LRRC49: variants seen among roughly 807,000 people sequenced by gnomAD.
LRRC49 encodes the protein leucine rich repeat containing 49.
In LRRC49, 50 loss-of-function variants were observed where a neutral mutation model predicts 83.3. The ratio of observed to expected loss-of-function variants is 0.60; its 90% confidence interval spans 0.48 to 0.76. The LOEUF (loss-of-function observed/expected upper bound fraction) is 0.76. Among genes scored for constraint, LRRC49 ranks in the 30% least tolerant of loss-of-function variants. The pLI is 0.00. For missense variants in LRRC49, 704 were observed against 809.1 expected (o/e 0.87, Z 1.58); for synonymous variants, 286 against 283.3 (o/e 1.01, Z -0.10).
At chr15:70,901,818 A>T (rs1247880107) in intron 4 of LRRC49, among the ~76,000 whole-genome samples, 1 of 152,060 alleles carries the variant, frequency 6.6e-6, no homozygotes, top group African/African-American at 2.4e-5. Flanking sequence ...TCTTGATAAA[A>T]TTTTTTTTAA....
intron 14 of LRRC49, among the ~76,000 whole-genome samples, chr15:71,014,310 G>C (rs183596792): frequency 1.3e-5 from 2 of 152,142 alleles, no homozygotes; most frequent in African/African-American, 4.8e-5. Context: ...TCCCTGTTTA[G>C]GTGAGATAAT....
rs555849311 is a variant in LRRC49, at chr15:70,931,868, A to AT, written c.712-4887dup. On this transcript the variant is annotated intron_variant, in intron 7 of 15. Coordinates refer to ENST00000260382, the MANE Select transcript of LRRC49 (RefSeq NM_017691.5). ...GTTAGGGTCATGAATGCCAGGTACC[A>AT]TTTTTTATGAGGGGTCTTTTTAGAT... Among the ~76,000 whole-genome samples the AT allele has an allele frequency of 2.6e-5, 4 of 152,228 alleles. No homozygotes were observed. In the South Asian group the frequency reaches 6.2e-4, roughly 24 times the overall value.
chr15:70,932,724 G>GT (rs2035452778), intron 7 of LRRC49, among the ~76,000 whole-genome samples: 1 of 126,556 alleles, frequency 7.9e-6, no homozygotes, highest in African/African-American at 2.9e-5. Flanking sequence ...TTCTTTCTCT[G>GT]TCTTTTTTTT....
chr15:70,884,552 A>G (rs959453486), intron 2 of LRRC49, among the ~76,000 whole-genome samples: 4 of 152,152 alleles, frequency 2.6e-5, no homozygotes, highest in Admixed American at 6.5e-5. Flanking sequence ...AGAAAAAAAA[A>G]AAAGAAAGAA....
intron 8 of LRRC49, among the ~76,000 whole-genome samples, chr15:70,956,541 CTG>C (rs1047366763): frequency 2.0e-5 from 3 of 149,188 alleles, no homozygotes; most frequent in African/African-American, 7.4e-5. Flanking sequence ...GAGAGAGAGA[CTG>C]TTTTTAAAAG....
At chr15:70,988,195 A>G (rs1407615721) in intron 11 of LRRC49, among the ~76,000 whole-genome samples, 15 of 151,308 alleles carry the variant, frequency 9.9e-5, no homozygotes, top group Non-Finnish European at 1.9e-4. Context: ...TATCCTTGTT[A>G]ACTTTCTGTC....
chr15:70,861,397 T>C (rs1180944228), intron 1 of LRRC49, among the ~76,000 whole-genome samples: 2 of 83,096 alleles, frequency 2.4e-5, no homozygotes, highest in Non-Finnish European at 3.3e-5. Context: ...GCTCGTGTTC[T>C]AGTGGGGGAA....
chr15:70,954,355 G>A (rs2036325444), intron 8 of LRRC49, among the ~76,000 whole-genome samples: 1 of 152,102 alleles, frequency 6.6e-6, no homozygotes. Flanking sequence ...TGTTTTGCCT[G>A]GGTTGGGTTT....
intron 11 of LRRC49, among the ~76,000 whole-genome samples, chr15:70,994,047 A>G (rs1035397677): frequency 2.6e-5 from 4 of 152,096 alleles, no homozygotes; most frequent in African/African-American, 7.2e-5. Context: ...GGGTTTCACC[A>G]TGTTGGCCAG....
intron 11 of LRRC49, 64 bp downstream of exon 11, chr15:70,984,321 GAA>G: frequency 7.3e-7 from 1 of 1,367,596 alleles, no homozygotes; most frequent in Non-Finnish European, 9.9e-7. Context: ...GTGGGAATTA[GAA>G]ACCATTTTAC....
At chr15:70,964,258 A>G (rs2036713857) in intron 9 of LRRC49, among the ~76,000 whole-genome samples, 1 of 152,172 alleles carries the variant, frequency 6.6e-6, no homozygotes, top group African/African-American at 2.4e-5. Flanking sequence ...GGTTAAGAGC[A>G]TGGACACTGG....
intron 11 of LRRC49, among the ~76,000 whole-genome samples, chr15:70,985,781 T>G (rs1424609712): frequency 2.0e-5 from 3 of 148,356 alleles, no homozygotes; most frequent in Admixed American, 6.8e-5. Flanking sequence ...TTTAAGTCTT[T>G]AATCCATCTT....
At chr15:70,886,039 C>T (rs2033398344) in intron 2 of LRRC49, among the ~76,000 whole-genome samples, 1 of 151,944 alleles carries the variant, frequency 6.6e-6, no homozygotes, top group South Asian at 2.1e-4. Context: ...CTAAAAAATG[C>T]CCAGAGATAC....
chr15:70,913,490 A>G (rs1370432838), intron 6 of LRRC49, among the ~76,000 whole-genome samples: 1 of 152,178 alleles, frequency 6.6e-6, no homozygotes, highest in Non-Finnish European at 1.5e-5. Flanking sequence ...AGATGGTGCT[A>G]GAAGGGGAAG....
chr15:70,920,357 A>C (rs1237036268), intron 7 of LRRC49, among the ~76,000 whole-genome samples: 1 of 152,228 alleles, frequency 6.6e-6, no homozygotes, highest in Non-Finnish European at 1.5e-5. Context: ...TTAGCATGCT[A>C]TCCAAGACAC....
At chr15:70,954,081 G>T (rs1014003646) in intron 8 of LRRC49, among the ~76,000 whole-genome samples, 1 of 152,066 alleles carries the variant, frequency 6.6e-6, no homozygotes, top group African/African-American at 2.4e-5. Flanking sequence ...TTTTAATAGA[G>T]ATGGGGTTTT....
intron 7 of LRRC49, among the ~76,000 whole-genome samples, chr15:70,936,043 GT>G (rs1033149868): frequency 4.0e-5 from 6 of 150,874 alleles, no homozygotes; most frequent in African/African-American, 9.7e-5. Context: ...ATTTTTTGTT[GT>G]TTTTTTTTAA....
At chr15:70,987,080 A>G (rs1360427735) in intron 11 of LRRC49, among the ~76,000 whole-genome samples, 14 of 152,168 alleles carry the variant, frequency 9.2e-5, no homozygotes, top group Non-Finnish European at 1.9e-4. Context: ...CATCAAGGAT[A>G]TTGGTCTAAA....
chr15:71,013,921 T>C (rs944155257), intron 14 of LRRC49, among the ~76,000 whole-genome samples: 30 of 152,106 alleles, frequency 2.0e-4, no homozygotes, highest in Non-Finnish European at 4.4e-5. Context: ...ATCATACCGC[T>C]TTAGCTGCGC....
Sources: gnomAD v4.1 joint callset for allele counts (sites outside exome capture counted in the v4.1 genomes callset) on GRCh38, gnomAD v4.1.1 for gene constraint, MANE v1.5 for transcripts, NCBI Gene and HGNC (gene_info 2026-07-23, HGNC 2026-07-21) for gene names.